GIGYF2: variants seen among roughly 807,000 people sequenced by gnomAD.
GIGYF2 encodes the protein GRB10-interacting GYF protein 2.
GIGYF2 carries 25 observed loss-of-function variants against 208.1 expected under a neutral mutation model. That is an observed-to-expected ratio of 0.12 (90% CI 0.09 to 0.17). GIGYF2 has a LOEUF of 0.17. Among genes scored for constraint, GIGYF2 ranks in the 10% least tolerant of loss-of-function variants. GIGYF2 has a pLI of 1.00. For synonymous variants in GIGYF2, 534 were observed against 543.8 expected, an observed-to-expected ratio of 0.98 and a Z score of 0.25; for missense variants, 1,302 against 1,579.4, an observed-to-expected ratio of 0.82 and a Z score of 2.98.
In GIGYF2 at chr2:232,756,391, T is replaced by TA. The variant is rs955266114; in HGVS notation, c.379+58dup. On this transcript the variant is annotated intron_variant, in intron 6 of 28. Transcript: ENST00000373563. ...AGGAGGAGGAGGAGGATAGAGAACT[T>TA]ACTTTTAAAATATTTTAATGCCTGA... 2.2e-5 allele frequency: 19 copies of TA among 867,024 alleles called. No homozygotes were observed. In the African/African-American group the frequency reaches 2.9e-4, roughly 13 times the overall value. The allele number at this position is 867,024 out of a possible 1,614,324, so 53.7% of individuals were successfully genotyped here.
chr2:232,788,109 T>A (rs958045518), intron 9 of GIGYF2: 8 of 154,412 alleles, frequency 5.2e-5, no homozygotes, highest in African/African-American at 1.9e-4. Context: ...ATTTCATGTG[T>A]ATGACAGTAT....
chr2:232,785,159 C>G (rs1029078094), intron 8 of GIGYF2, among the ~76,000 whole-genome samples: 1 of 151,928 alleles, frequency 6.6e-6, no homozygotes, highest in Non-Finnish European at 1.5e-5. Flanking sequence ...GACTAATAAA[C>G]CAAGGAAAGC....
intron 17 of GIGYF2, among the ~76,000 whole-genome samples, chr2:232,812,079 G>A (rs937224569): frequency 6.6e-6 from 1 of 151,948 alleles, no homozygotes; most frequent in Admixed American, 6.6e-5. Context: ...AGATGATCTG[G>A]GTTTTTTAAG....
At chr2:232,766,316 A>G (rs1698962153) in intron 8 of GIGYF2, 1 of 214,760 alleles carries the variant, frequency 4.7e-6, no homozygotes, top group East Asian at 1.2e-4. Flanking sequence ...ATAAACAGTA[A>G]GTATAATATG....
intron 1 of GIGYF2, among the ~76,000 whole-genome samples, chr2:232,698,784 A>G (rs1695718610): frequency 6.6e-6 from 1 of 152,266 alleles, no homozygotes; most frequent in African/African-American, 2.4e-5. Context: ...ATCAAGGAAT[A>G]CACTGGTGAT....
At chr2:232,807,582 T>C (rs894187413) in intron 15 of GIGYF2, among the ~76,000 whole-genome samples, 1 of 152,182 alleles carries the variant, frequency 6.6e-6, no homozygotes, top group Admixed American at 6.5e-5. Flanking sequence ...GCTCTGACAC[T>C]GGGGTACTGT....
chr2:232,808,673 G>T (rs1311545186), intron 15 of GIGYF2, among the ~76,000 whole-genome samples: 1 of 151,948 alleles, frequency 6.6e-6, no homozygotes, highest in South Asian at 2.1e-4. Flanking sequence ...ATATAATAAA[G>T]ATATAAACTC....
chr2:232,749,100 A>C lies in GIGYF2; in HGVS notation c.267+18A>C. The stretch of plus-strand genomic sequence containing the variant: ...AAGAACAGGTTTGTGATTAGCTCTG[A>C]GCCCCAGCAAACTCTTATTCTTTTC... On this transcript the variant is annotated intron_variant, in intron 5 of 28. Transcript: ENST00000373563. The C allele has an allele frequency of 8.3e-7, 1 of 1,199,140 alleles. No individual in the cohort carries two copies. Among genetic ancestry groups the C allele is most frequent in the Non-Finnish European group, 1.2e-6 (1 of 800,804 alleles). The allele number at this position is 1,199,140 out of a possible 1,614,324, so 74.3% of individuals were successfully genotyped here.
chr2:232,786,095 C>T (rs184973805), intron 8 of GIGYF2, among the ~76,000 whole-genome samples: 22 of 152,292 alleles, frequency 1.4e-4, no homozygotes, highest in Admixed American at 1.2e-3. Context: ...GTTTAGTTTA[C>T]TTGGTATACC....
chr2:232,742,847 T>C (rs1192609992), intron 3 of GIGYF2, among the ~76,000 whole-genome samples: 1 of 151,910 alleles, frequency 6.6e-6, no homozygotes, highest in African/African-American at 2.4e-5. Flanking sequence ...AGTGAATGGG[T>C]TGGATGAATA....
intron 18 of GIGYF2, among the ~76,000 whole-genome samples, chr2:232,813,187 C>CTTTTT (rs894736273): frequency 2.8e-4 from 35 of 123,844 alleles, no homozygotes; most frequent in African/African-American, 3.0e-4. Context: ...TCTTTGCTTT[C>CTTTTT]TTTTTTTTTT....
chr2:232,805,091 A>T lies in GIGYF2; in HGVS notation c.1640-1400A>T, dbSNP rs551162914. The stretch of plus-strand genomic sequence containing the variant: ...ATCACTCGAGCAGTATACACTGAAT[A>T]TGATTTTAATTTTTAAAAATCTTTT... On this transcript the variant is annotated intron_variant, in intron 14 of 28. Transcript: ENST00000373563. Among the ~76,000 whole-genome samples the T allele has an allele frequency of 4.6e-5, 7 of 152,256 alleles. No homozygotes were observed. In the South Asian group the frequency reaches 1.5e-3, roughly 32 times the overall value.
intron 3 of GIGYF2, among the ~76,000 whole-genome samples, chr2:232,739,358 CAA>C (rs1195864437): frequency 2.0e-5 from 1 of 49,128 alleles, no homozygotes; most frequent in Admixed American, 2.8e-4. Flanking sequence ...GCAACAAAAG[CAA>C]ACCCCCCCCC....
In GIGYF2 at chr2:232,787,212, T is replaced by C. The variant is rs1244231421; in HGVS notation, c.595T>C (p.Ser199Pro). 3.7e-6 allele frequency: 6 copies of C among 1,613,844 alleles called. No individual in the cohort carries two copies. Among genetic ancestry groups the C allele is most frequent in the Non-Finnish European group, 4.2e-6 (5 of 1,179,970 alleles). ...AGGGAGAAAGCATGAATTTATACGC[T>C]CAGAAAGTGAAAATTGGCGCATCTT... is the stretch of plus-strand genomic sequence containing the variant. The part of the protein sequence containing the change: ...SVGRKHEFIR[S>P]ESENWRIFRE... Residue 199 changes from serine to proline, a missense_variant, in exon 9 of 29, where the codon TCA becomes CCA. By Grantham distance (74) the Ser-to-Pro change is moderately conservative. This residue lies in a region of GIGYF2 where 189 missense variants were observed against 257.7 expected (regional missense o/e 0.73). Coordinates refer to ENST00000373563, the MANE Select transcript of GIGYF2 (RefSeq NM_001103146.3).
chr2:232,733,508 GT>G (rs1204983714), intron 2 of GIGYF2, among the ~76,000 whole-genome samples: 1 of 152,192 alleles, frequency 6.6e-6, no homozygotes, highest in East Asian at 1.9e-4. Flanking sequence ...CATATTTGTA[GT>G]TTATTATTTT....
In GIGYF2 at chr2:232,790,725, A is replaced by T. The variant is rs767938699; in HGVS notation, c.740A>T (p.Glu247Val). Residue 247 changes from glutamate (E) to valine (V), a missense_variant, in exon 10 of 29, where the codon GAA becomes GTA. Coordinates refer to ENST00000373563, the MANE Select transcript of GIGYF2 (RefSeq NM_001103146.3). ...GGCCCTCGTTCTGCAGGCTGGCGGG[A>T]ACACATGGAACGACGTCGGAGGTTT... ...PDGPRSAGWREHMERRRRFEF... is the reference protein window; with the variant it reads ...PDGPRSAGWRVHMERRRRFEF... The T allele has an allele frequency of 1.2e-6, 2 of 1,614,072 alleles. No homozygotes were observed. The highest frequency in any genetic ancestry group is 1.7e-5 in the Admixed American group (1 of 60,014).
At chr2:232,805,146 C>G (rs1700521456) in intron 14 of GIGYF2, among the ~76,000 whole-genome samples, 1 of 151,498 alleles carries the variant, frequency 6.6e-6, no homozygotes, top group African/African-American at 2.4e-5. Context: ...CAAATGTGGT[C>G]TGTTATTGCT....
intron 28 of GIGYF2, among the ~76,000 whole-genome samples, chr2:232,854,733 G>A (rs557631670): frequency 1.2e-4 from 18 of 152,024 alleles, no homozygotes; most frequent in African/African-American, 3.9e-4. Flanking sequence ...AGTTAATTAA[G>A]GTATTTTATG....
chr2:232,847,284 AT>A (rs1378467970), intron 26 of GIGYF2, 63 bp from the exon 27 acceptor site: 33 of 1,563,970 alleles, frequency 2.1e-5, no homozygotes, highest in Non-Finnish European at 2.8e-5. Flanking sequence ...ATGGAAACTG[AT>A]TTTTGTAAGT....
Sources: gnomAD v4.1 joint callset for allele counts (sites outside exome capture counted in the v4.1 genomes callset) on GRCh38, gnomAD v4.1.1 for gene constraint, gnomAD v4.1.1 regional missense constraint, MANE v1.5 for transcripts, NCBI Gene and HGNC (gene_info 2026-07-23, HGNC 2026-07-21) for gene names.